Variants in SMARCA1 observed in about 807,000 individuals in gnomAD.
The protein encoded by SMARCA1 is SNF2 related chromatin remodeling ATPase 1.
A neutral mutation model predicts 93.6 loss-of-function variants in SMARCA1; 17 were observed. The ratio of observed to expected loss-of-function variants is 0.18; its 90% CI spans 0.12 to 0.27. SMARCA1 has a LOEUF of 0.27. Ranked by LOEUF, SMARCA1 falls within the 10% of genes least tolerant of loss-of-function variation. The pLI is 1.00. For missense variants in SMARCA1, 630 were observed against 819.0 expected, an observed-to-expected ratio of 0.77 and a Z score of 2.82; for synonymous variants, 271 against 271.4, an observed-to-expected ratio of 1.00 and a Z score of 0.01.
rs1400133275 is a variant in SMARCA1 at position 129,490,199 on chromosome X, G to C, written c.1816-7C>G. 1 of 1,161,938 alleles carries C rather than the reference G, an allele frequency of 8.6e-7. No individual in the cohort carries two copies. The highest frequency in any genetic ancestry group is 2.3e-5 in the Admixed American group (1 of 42,802). On this transcript the variant is annotated splice_polypyrimidine_tract_variant and splice_region_variant and intron_variant, in intron 14 of 24. Coordinates refer to ENST00000371121, the MANE Select transcript of SMARCA1 (RefSeq NM_001282874.2). The stretch of plus-strand genomic sequence containing the variant: ...CAATACGATGTGCTCGATCCTAGTA[G>C]AAAGAGTTCTAATGTAAGATATTGG...
rs1173319217 is a variant in SMARCA1, at chrX:129,515,573, T to C, written c.630+114A>G. Reference sequence around the variant, plus strand: ...AGACTACAAAATACCTTTTACATGATAACAACTTTTAAAAAGCCTCCAGGC... The same window carrying C: ...AGACTACAAAATACCTTTTACATGACAACAACTTTTAAAAAGCCTCCAGGC... On this transcript the variant is annotated intron_variant, in intron 5 of 24. Transcript: ENST00000371121. The C allele has an allele frequency of 3.8e-6, 2 of 519,927 alleles. 1 individual carries two copies. Among genetic ancestry groups the C allele is most frequent in the South Asian group, 5.7e-5 (2 of 35,237 alleles). 42.8% of individuals were successfully genotyped at this position (519,927 alleles called of 1,213,427 possible).
In SMARCA1 at chrX:129,523,473, A is replaced by G. The variant is rs1935502205; in HGVS notation, c.-103T>C. On this transcript the variant is annotated 5_prime_UTR_variant, in exon 1 of 25. Coordinates refer to ENST00000371121, the MANE Select transcript of SMARCA1 (RefSeq NM_001282874.2). Reference sequence around the variant, plus strand: ...AGAGCTAGATGGAGCAGGGGTGGGGAATCACTCCGCTTCCAACCCCTTCGC... The same window carrying G: ...AGAGCTAGATGGAGCAGGGGTGGGGGATCACTCCGCTTCCAACCCCTTCGC... 1.5e-6 allele frequency: 1 copy of G among 648,778 alleles called. No homozygotes were observed. The highest frequency in any genetic ancestry group is 3.8e-5 in the Admixed American group (1 of 26,527). The allele number at this position is 648,778 out of a possible 1,213,427, so 53.5% of individuals were successfully genotyped here. A position where few individuals can be genotyped will look rare whatever the true frequency, so the allele number is the denominator to read the frequency against.
At chrX:129,507,056 TTAAA>T (rs768221586) in intron 7 of SMARCA1, among the ~76,000 whole-genome samples, 1 of 112,113 alleles carries the variant, frequency 8.9e-6, no homozygotes, top group African/African-American at 3.2e-5. Flanking sequence ...TATAATGCTC[TTAAA>T]TAAAAAATTA....
At chrX:129,495,939 A>G (rs1236851106) in intron 12 of SMARCA1, among the ~76,000 whole-genome samples, 2 of 99,476 alleles carry the variant, frequency 2.0e-5, no homozygotes, top group Non-Finnish European at 4.1e-5. Flanking sequence ...CACCCAGCTA[A>G]TTTTTTTTTT....
intron 9 of SMARCA1, among the ~76,000 whole-genome samples, chrX:129,503,160 G>A (rs1437586968): frequency 8.9e-6 from 1 of 112,262 alleles, no homozygotes; most frequent in African/African-American, 3.2e-5. Context: ...GGAGACTGGG[G>A]AAGGTCTGAA....
chrX:129,515,272 C>T (rs1361968679), intron 5 of SMARCA1, among the ~76,000 whole-genome samples: 5 of 110,408 alleles, frequency 4.5e-5, no homozygotes, highest in Non-Finnish European at 9.5e-5. Flanking sequence ...ACCTGTAATC[C>T]CAACACTTCG....
chrX:129,505,305 G>A (rs970483168), intron 8 of SMARCA1, among the ~76,000 whole-genome samples: 3 of 111,278 alleles, frequency 2.7e-5, no homozygotes, highest in African/African-American at 9.8e-5. Context: ...GAGGTCAGGA[G>A]TTCGAGACCA....
chrX:129,513,894 TATC>T (rs1342705804), intron 5 of SMARCA1, among the ~76,000 whole-genome samples: 1 of 112,621 alleles, frequency 8.9e-6, no homozygotes, highest in Non-Finnish European at 1.9e-5. Flanking sequence ...ATAGGGCACG[TATC>T]ATCATGTGGC....
chrX:129,499,391 A>G (rs1012582845), intron 10 of SMARCA1, among the ~76,000 whole-genome samples: 1 of 110,895 alleles, frequency 9.0e-6, no homozygotes, highest in African/African-American at 3.3e-5. Flanking sequence ...TGCCACTGAC[A>G]TTACCCCCTT....
chrX:129,521,675 C>T (rs1935400771), intron 1 of SMARCA1, among the ~76,000 whole-genome samples: 1 of 112,247 alleles, frequency 8.9e-6, no homozygotes, highest in African/African-American at 3.2e-5. Flanking sequence ...CTCACATTTG[C>T]CCAGTCCAGG....
chrX:129,503,500 AAT>A (rs1280576754), intron 9 of SMARCA1, among the ~76,000 whole-genome samples: 1 of 111,772 alleles, frequency 8.9e-6, no homozygotes, highest in Non-Finnish European at 1.9e-5. Flanking sequence ...AGTGATAGAA[AAT>A]GAGTTCATTG....
chrX:129,486,880 T>C, intron 17 of SMARCA1, 138 bp downstream of exon 17: 1 of 508,714 alleles, frequency 2.0e-6, no homozygotes, highest in Non-Finnish European at 3.4e-6. Context: ...AAGATATACC[T>C]TGCATGAGAT....
intron 23 of SMARCA1, among the ~76,000 whole-genome samples, chrX:129,454,988 C>T (rs931405688): frequency 5.4e-5 from 6 of 111,675 alleles, no homozygotes; most frequent in African/African-American, 1.6e-4. Context: ...GAAATAGGAA[C>T]GCTTTTACAC....
chrX:129,457,257 T>C (rs2057263228), intron 23 of SMARCA1, among the ~76,000 whole-genome samples: 1 of 112,502 alleles, frequency 8.9e-6, no homozygotes, highest in Non-Finnish European at 1.9e-5. Flanking sequence ...CATAATGCTA[T>C]TGCTCGCCTT....
chrX:129,480,847 C>A (rs368021952), intron 18 of SMARCA1, 33 bp from the exon 19 acceptor site: 89 of 849,643 alleles, frequency 1.0e-4, no homozygotes, highest in Non-Finnish European at 9.4e-5. Flanking sequence ...ATATATACTT[C>A]TTTTCAGTAC....
At chrX:129,493,393 T>G (rs1247181104) in intron 12 of SMARCA1, among the ~76,000 whole-genome samples, 1 of 111,758 alleles carries the variant, frequency 8.9e-6, no homozygotes, top group Non-Finnish European at 1.9e-5. Context: ...ATACTTGTAT[T>G]TAATTTCAAA....
intron 19 of SMARCA1, among the ~76,000 whole-genome samples, chrX:129,479,724 G>T (rs1032705397): frequency 2.1e-5 from 2 of 94,907 alleles, no homozygotes; most frequent in East Asian, 5.9e-4. Flanking sequence ...TTGGGACAGA[G>T]TCTCCCTCTG....
chrX:129,499,864 A>G (rs753712390), intron 9 of SMARCA1, 23 bp from the exon 10 acceptor site: 6 of 753,306 alleles, frequency 8.0e-6, no homozygotes, highest in South Asian at 2.3e-5. Context: ...CATTTTTATA[A>G]AAGTTTATGA....
chrX:129,485,046 T>C (rs1320946156), intron 17 of SMARCA1, among the ~76,000 whole-genome samples: 1 of 112,076 alleles, frequency 8.9e-6, no homozygotes, highest in Non-Finnish European at 1.9e-5. Flanking sequence ...CTACACAAAG[T>C]CCCCAACAAG....
Sources: allele counts gnomAD v4.1 joint callset (sites outside exome capture counted in the v4.1 genomes callset), GRCh38; gene constraint gnomAD v4.1.1; transcripts MANE v1.5; gene names NCBI Gene and HGNC (gene_info 2026-07-23, HGNC 2026-07-21).